GRID2: variants seen among roughly 807,000 people sequenced by gnomAD.
The protein encoded by GRID2 is glutamate receptor ionotropic, delta-2.
Under a neutral mutation model 114.8 loss-of-function variants are expected in GRID2, and 33 were observed. That is an observed-to-expected ratio of 0.29 (90% CI 0.22 to 0.38). The LOEUF (loss-of-function observed/expected upper bound fraction) is 0.38, where lower values mean the gene tolerates loss of function less well. Among genes scored for constraint, GRID2 ranks in the 10% least tolerant of loss-of-function variants. GRID2 has a pLI of 1.00. For synonymous variants in GRID2, 505 were observed against 449.9 expected, an observed-to-expected ratio of 1.12 and a Z score of -1.55; for missense variants, 1,184 against 1,257.7, an observed-to-expected ratio of 0.94 and a Z score of 0.89.
At chr4:93,682,890 C>G (rs886560698) in intron 14 of GRID2, among the ~76,000 whole-genome samples, 5 of 150,778 alleles carry the variant, frequency 3.3e-5, no homozygotes. Context: ...ATGTAACTAA[C>G]CTGCACATTG....
At chr4:93,544,929 T>G (rs1733062309) in intron 13 of GRID2, among the ~76,000 whole-genome samples, 1 of 152,200 alleles carries the variant, frequency 6.6e-6, no homozygotes, top group Non-Finnish European at 1.5e-5. Context: ...CCTTTAGAGG[T>G]GACTGCCTCA....
intron 1 of GRID2, among the ~76,000 whole-genome samples, chr4:92,482,686 C>A (rs1190114898): frequency 1.3e-5 from 2 of 152,084 alleles, no homozygotes; most frequent in Non-Finnish European, 2.9e-5. Context: ...TATCACAGGG[C>A]AGATTGTTGC....
chr4:92,914,340 T>C (rs112233461), intron 2 of GRID2, among the ~76,000 whole-genome samples: 8 of 152,290 alleles, frequency 5.3e-5, no homozygotes, highest in African/African-American at 1.9e-4. Context: ...TTCCCTCTTA[T>C]ACTATGTTTT....
intron 13 of GRID2, among the ~76,000 whole-genome samples, chr4:93,573,432 T>C (rs1001358040): frequency 2.3e-4 from 35 of 152,184 alleles, no homozygotes; most frequent in Admixed American, 2.2e-3. Context: ...TAATGCAACA[T>C]GACTGTATGC....
intron 8 of GRID2, among the ~76,000 whole-genome samples, chr4:93,316,090 G>T (rs1021982718): frequency 6.6e-6 from 1 of 152,016 alleles, no homozygotes; most frequent in Non-Finnish European, 1.5e-5. Flanking sequence ...CCAAAAGGAA[G>T]GAGAGAGGGC....
chr4:93,557,767 C>A (rs570732333), intron 13 of GRID2, among the ~76,000 whole-genome samples: 35 of 152,320 alleles, frequency 2.3e-4, no homozygotes, highest in Non-Finnish European at 4.3e-4. Context: ...CTTTCCACCC[C>A]AAATCAACAG....
intron 4 of GRID2, among the ~76,000 whole-genome samples, chr4:93,198,172 G>A (rs1011846031): frequency 6.6e-6 from 1 of 152,142 alleles, no homozygotes; most frequent in African/African-American, 2.4e-5. Context: ...GTCACTCACT[G>A]TAAAGGGATA....
intron 2 of GRID2, among the ~76,000 whole-genome samples, chr4:92,697,285 G>A (rs1454650816): frequency 1.3e-5 from 2 of 152,008 alleles, no homozygotes; most frequent in Non-Finnish European, 2.9e-5. Flanking sequence ...ACATAACAGA[G>A]GAAATGAAGC....
intron 2 of GRID2, among the ~76,000 whole-genome samples, chr4:92,768,708 T>A (rs1009997355): frequency 5.9e-5 from 9 of 152,122 alleles, no homozygotes; most frequent in Admixed American, 4.6e-4. Flanking sequence ...CTTACAAGAA[T>A]GGTGGCAGGC....
At chr4:93,326,505 C>G (rs1026143803) in intron 8 of GRID2, among the ~76,000 whole-genome samples, 11 of 152,020 alleles carry the variant, frequency 7.2e-5, no homozygotes, top group African/African-American at 2.7e-4. Context: ...CTTTTAGATT[C>G]TCCAATAGAG....
At chr4:93,038,742 G>C (rs1385657777) in intron 2 of GRID2, among the ~76,000 whole-genome samples, 1 of 152,030 alleles carries the variant, frequency 6.6e-6, no homozygotes, top group African/African-American at 2.4e-5. Flanking sequence ...AGTGAGCTGA[G>C]ATTGTGCCAC....
chr4:93,265,482 C>T (rs759114553), intron 8 of GRID2, among the ~76,000 whole-genome samples: 11 of 151,976 alleles, frequency 7.2e-5, no homozygotes, highest in Admixed American at 2.0e-4. Context: ...TCTTGGAAAC[C>T]GCCACTTCAA....
chr4:93,606,147 G>A (rs1380059465), intron 13 of GRID2, among the ~76,000 whole-genome samples: 1 of 151,958 alleles, frequency 6.6e-6, no homozygotes, highest in Admixed American at 6.6e-5. Flanking sequence ...TGTGCCTATA[G>A]TCCCAGCTAC....
At chr4:93,376,095 C>A (rs1763355101) in intron 8 of GRID2, among the ~76,000 whole-genome samples, 1 of 152,102 alleles carries the variant, frequency 6.6e-6, no homozygotes. Flanking sequence ...TTGGGCCCAC[C>A]CATATGATCT....
At chr4:93,631,470 G>A (rs911232014) in intron 14 of GRID2, among the ~76,000 whole-genome samples, 6 of 152,094 alleles carry the variant, frequency 3.9e-5, no homozygotes, top group African/African-American at 1.4e-4. Context: ...GCGGTGTTTG[G>A]TTTTTTGTCT....
Position 92,304,306 on chromosome 4 carries a change from C to G in GRID2, c.-351C>G, listed in dbSNP as rs1453750824. 3.9e-6 allele frequency: 1 copy of G among 255,592 alleles called. No individual in the cohort carries two copies. The highest frequency in any genetic ancestry group is 2.3e-5 in the African/African-American group (1 of 43,068). 15.8% of individuals were successfully genotyped at this position (255,592 alleles called of 1,614,324 possible). On this transcript the variant is annotated 5_prime_UTR_variant, in exon 1 of 16. Coordinates refer to ENST00000282020, the MANE Select transcript of GRID2 (RefSeq NM_001510.4). ...CAGCGGAGCTGGGACCGGAGACCCGCGGCCCCCGCGCAGCGATGGGTCTGA... is the reference window on the plus strand; with the variant it reads ...CAGCGGAGCTGGGACCGGAGACCCGGGGCCCCCGCGCAGCGATGGGTCTGA...
intron 13 of GRID2, among the ~76,000 whole-genome samples, chr4:93,613,175 A>G (rs964791886): frequency 2.0e-5 from 3 of 149,232 alleles, no homozygotes; most frequent in Non-Finnish European, 3.0e-5. Flanking sequence ...GCTCCTTTAA[A>G]CACTTCTCTG....
chr4:93,509,059 G>A (rs771848533), intron 12 of GRID2, among the ~76,000 whole-genome samples: 23 of 152,164 alleles, frequency 1.5e-4, no homozygotes, highest in Non-Finnish European at 2.8e-4. Context: ...GGAACTTGAA[G>A]GCTAAGGAGT....
At chr4:93,562,940 A>G (rs1735061355) in intron 13 of GRID2, among the ~76,000 whole-genome samples, 1 of 151,980 alleles carries the variant, frequency 6.6e-6, no homozygotes, top group South Asian at 2.1e-4. Flanking sequence ...CTGTAGCTTT[A>G]TGGTAAGTCT....
Sources: gnomAD v4.1 joint callset for allele counts (sites outside exome capture counted in the v4.1 genomes callset) on GRCh38, gnomAD v4.1.1 for gene constraint, MANE v1.5 for transcripts, NCBI Gene and HGNC (gene_info 2026-07-23, HGNC 2026-07-21) for gene names.